RIMS2: variants seen among roughly 807,000 people sequenced by gnomAD.
RIMS2 encodes the protein regulating synaptic membrane exocytosis 2.
Under a neutral mutation model 174.4 loss-of-function variants are expected in RIMS2, and 59 were observed. That is an observed-to-expected ratio of 0.34 (90% CI 0.27 to 0.42). RIMS2 has a LOEUF of 0.42. Among genes scored for constraint, RIMS2 ranks in the 10% least tolerant of loss-of-function variants. The pLI, the probability that RIMS2 is intolerant of heterozygous loss-of-function variation, is 1.00. For synonymous variants in RIMS2, 606 were observed against 572.5 expected (o/e 1.06, Z -0.84); for missense variants, 1,620 against 1,666.3 (o/e 0.97, Z 0.48).
At chr8:103,537,035 C>T (rs1187959682) in intron 1 of RIMS2, among the ~76,000 whole-genome samples, 1 of 152,162 alleles carries the variant, frequency 6.6e-6, no homozygotes, top group Non-Finnish European at 1.5e-5. Flanking sequence ...AGCATATTTG[C>T]CAGGCACTGG....
At chr8:103,858,743 A>G (rs1165279643) in intron 3 of RIMS2, among the ~76,000 whole-genome samples, 1 of 151,556 alleles carries the variant, frequency 6.6e-6, no homozygotes, top group Non-Finnish European at 1.5e-5. Flanking sequence ...ACACACACAC[A>G]CACACACACA....
At chr8:103,608,124 G>T (rs2134049658) in intron 1 of RIMS2, among the ~76,000 whole-genome samples, 1 of 149,094 alleles carries the variant, frequency 6.7e-6, no homozygotes. Flanking sequence ...CCCCATCTTT[G>T]TGGTTTTATC....
chr8:103,918,234 C>G (rs1565303383), intron 8 of RIMS2, among the ~76,000 whole-genome samples: 1 of 151,918 alleles, frequency 6.6e-6, no homozygotes, highest in Non-Finnish European at 1.5e-5. Context: ...ATTTTAATTC[C>G]TTTTAAATAG....
intron 17 of RIMS2, among the ~76,000 whole-genome samples, chr8:103,993,387 A>G (rs547762180): frequency 3.3e-5 from 5 of 152,228 alleles, no homozygotes; most frequent in African/African-American, 9.6e-5. Context: ...TATATATTCT[A>G]AAAAGGAAAA....
intron 1 of RIMS2, among the ~76,000 whole-genome samples, chr8:103,633,975 G>A (rs1012370463): frequency 6.6e-6 from 1 of 152,008 alleles, no homozygotes; most frequent in Non-Finnish European, 1.5e-5. Flanking sequence ...TCAACTGCTG[G>A]ATTTGTTGAT....
At chr8:104,199,479 C>T (rs1419935267) in intron 19 of RIMS2, among the ~76,000 whole-genome samples, 1 of 152,178 alleles carries the variant, frequency 6.6e-6, no homozygotes, top group Non-Finnish European at 1.5e-5. Flanking sequence ...TAAGAAACAG[C>T]ACTGTTAGAG....
intron 1 of RIMS2, among the ~76,000 whole-genome samples, chr8:103,604,226 G>A (rs1345381689): frequency 1.3e-5 from 2 of 151,242 alleles, no homozygotes; most frequent in African/African-American, 4.8e-5. Context: ...TGGCTAGCCC[G>A]TTTTCCCAGC....
chr8:104,016,414 T>C (rs972245701), intron 19 of RIMS2, among the ~76,000 whole-genome samples: 2 of 152,088 alleles, frequency 1.3e-5, no homozygotes, highest in African/African-American at 4.8e-5. Flanking sequence ...CTTGTTGATA[T>C]AAGTTGTGTT....
chr8:103,654,707 T>G (rs1193338725), intron 1 of RIMS2, among the ~76,000 whole-genome samples: 2 of 151,950 alleles, frequency 1.3e-5, no homozygotes, highest in African/African-American at 4.8e-5. Context: ...CTGGCTTATC[T>G]TATTTCTTTC....
At chr8:104,100,041 G>A (rs10090566) in intron 19 of RIMS2, among the ~76,000 whole-genome samples, 35,681 of 151,780 alleles carry the variant, frequency 0.24, 4,489 homozygotes, top group African/African-American at 0.33. Context: ...GGCTGGTTTC[G>A]AACCCCTGGG....
At chr8:103,584,815 A>C (rs558792606) in intron 1 of RIMS2, among the ~76,000 whole-genome samples, 4 of 152,210 alleles carry the variant, frequency 2.6e-5, no homozygotes, top group African/African-American at 4.8e-5. Flanking sequence ...GAATTAAAGA[A>C]AGAAGGAAGA....
intron 19 of RIMS2, among the ~76,000 whole-genome samples, chr8:104,031,161 ATGTT>A (rs1477582297): frequency 1.3e-5 from 2 of 152,080 alleles, no homozygotes; most frequent in African/African-American, 4.8e-5. Context: ...TAGCATATAA[ATGTT>A]TGTCATTTAT....
intron 14 of RIMS2, among the ~76,000 whole-genome samples, chr8:103,960,187 TAAC>T (rs1172667797): frequency 6.6e-6 from 1 of 152,176 alleles, no homozygotes; most frequent in African/African-American, 2.4e-5. Flanking sequence ...TAAAAACAAA[TAAC>T]AACGTTTGTT....
intron 1 of RIMS2, among the ~76,000 whole-genome samples, chr8:103,566,606 A>G (rs2092371206): frequency 6.6e-6 from 1 of 152,132 alleles, no homozygotes; most frequent in Admixed American, 6.5e-5. Flanking sequence ...CAGGATAGAA[A>G]CCTGTTCCTT....
chr8:103,670,008 G>T (rs1169049741), intron 1 of RIMS2, among the ~76,000 whole-genome samples: 1 of 152,198 alleles, frequency 6.6e-6, no homozygotes, highest in Non-Finnish European at 1.5e-5. Context: ...GTTCTTATGA[G>T]GGCCCTGCCC....
At chr8:103,741,703 C>T (rs778150443) in intron 2 of RIMS2, among the ~76,000 whole-genome samples, 2 of 151,960 alleles carry the variant, frequency 1.3e-5, no homozygotes, top group African/African-American at 2.4e-5. Context: ...GCGTCCCTGC[C>T]GATTACAGTT....
intron 3 of RIMS2, among the ~76,000 whole-genome samples, chr8:103,792,873 C>G (rs920735515): frequency 2.6e-5 from 4 of 152,074 alleles, no homozygotes. Context: ...CTTCCGAAGA[C>G]TAAACCAGGA....
At chr8:103,981,558 C>A (rs2093907864) in intron 16 of RIMS2, among the ~76,000 whole-genome samples, 1 of 151,998 alleles carries the variant, frequency 6.6e-6, no homozygotes, top group Non-Finnish European at 1.5e-5. Context: ...CACCAGGGAC[C>A]AATACTTGAG....
chr8:103,796,432 A>T (rs1034260759), intron 3 of RIMS2, among the ~76,000 whole-genome samples: 3 of 152,174 alleles, frequency 2.0e-5, no homozygotes. Context: ...CCAAAATTAG[A>T]GGTAGATTTT....
Sources: allele counts gnomAD v4.1 joint callset (sites outside exome capture counted in the v4.1 genomes callset), GRCh38; gene constraint gnomAD v4.1.1; transcripts MANE v1.5; gene names NCBI Gene and HGNC (gene_info 2026-07-23, HGNC 2026-07-21).